The following ELP2 variants were observed in gnomAD, a reference collection of about 807,000 sequenced individuals.
ELP2 encodes elongator complex protein 2.
Under a neutral mutation model 119.2 loss-of-function variants are expected in ELP2, and 90 were observed. The observed-to-expected ratio is 0.75, with a 90% CI of 0.64 to 0.90. ELP2 has a LOEUF of 0.90. Ranked by LOEUF, ELP2 falls within the 40% of genes least tolerant of loss-of-function variation. ELP2 has a pLI of 0.00. For missense variants in ELP2, 921 were observed against 967.8 expected (o/e 0.95, Z 0.64); for synonymous variants, 339 against 331.0 (o/e 1.02, Z -0.26).
Position 36,129,918 on chromosome 18 carries a change from C to G in ELP2, c.-16C>G. The G allele has an allele frequency of 7.4e-6, 12 of 1,614,212 alleles. No individual in the cohort carries two copies. The highest frequency in any genetic ancestry group is 1.0e-5 in the Non-Finnish European group (12 of 1,180,040). On this transcript the variant is annotated 5_prime_UTR_variant, in exon 1 of 22. Coordinates refer to ENST00000358232, the MANE Select transcript of ELP2 (RefSeq NM_018255.4). ...AAGTGCGCGTCTCTTGTTTGTGCGG[C>G]TGACCAGTTGGCGACATGGTGGCAC...
chr18:36,130,160 G>A, intron 1 of ELP2, 89 bp downstream of exon 1: 1 of 1,561,628 alleles, frequency 6.4e-7, no homozygotes, highest in South Asian at 1.1e-5. Context: ...TGCCGCCCCA[G>A]ACCTAGGAGG....
chr18:36,131,404 C>T (rs2089620178), intron 1 of ELP2, among the ~76,000 whole-genome samples: 1 of 152,216 alleles, frequency 6.6e-6, no homozygotes, highest in Non-Finnish European at 1.5e-5. Flanking sequence ...CCATCATCTC[C>T]CACAGCGTCT....
intron 8 of ELP2, 38 bp downstream of exon 8, chr18:36,143,004 A>T: frequency 6.8e-7 from 1 of 1,477,868 alleles, no homozygotes. Context: ...AACGATACTT[A>T]GGTCTCCTAG....
chr18:36,138,419 T>C lies in ELP2; in HGVS notation c.438T>C (p.Gly146=). The C allele has an allele frequency of 1.2e-6, 2 of 1,614,046 alleles. No individual in the cohort carries two copies. The highest frequency in any genetic ancestry group is 1.7e-6 in the Non-Finnish European group (2 of 1,179,978). Residue 146 remains glycine (G), a synonymous_variant, in exon 4 of 22, where the codon GGT becomes GGC. Transcript: ENST00000358232. ...CTGTTCGACTCTGGTCTAAAAAGGG[T>C]CCAGAAGGTAGGTTTGGAGACATGA... ...DSAVRLWSKK[G]PEVMCLQTLN... is the part of the protein sequence containing the mutation.
At chr18:36,136,514 A>G in intron 3 of ELP2, 137 bp downstream of exon 3, 1 of 744,390 alleles carries the variant, frequency 1.3e-6, no homozygotes, top group South Asian at 1.5e-5. Flanking sequence ...AGTAGCTGGG[A>G]CTACAGGTGC....
At chr18:36,164,451 C>G (rs747417929) in intron 17 of ELP2, 24 bp from the exon 18 acceptor site, 3 of 1,601,116 alleles carry the variant, frequency 1.9e-6, no homozygotes, top group Non-Finnish European at 2.6e-6. Flanking sequence ...TTACTAGCTT[C>G]ATTGTTTCAT....
In ELP2 at chr18:36,156,482, T is replaced by G; in HGVS notation, c.1292T>G (p.Ile431Ser). ...KDQSQVTWHE[I>S]ARPQIHGYDL... ...TTTACCCAGGTGACTTGGCATGAAA[T>G]TGCAAGGCCTCAGATACATGGGTAT... is the stretch of plus-strand genomic sequence containing the variant. Residue 431 changes from isoleucine (I) to serine (S), a missense_variant, in exon 13 of 22, where the codon ATT becomes AGT. Coordinates refer to ENST00000358232, the MANE Select transcript of ELP2 (RefSeq NM_018255.4). 6.2e-7 allele frequency: 1 copy of G among 1,614,156 alleles called. No individual in the cohort carries two copies. Among genetic ancestry groups the G allele is most frequent in the South Asian group, 1.1e-5 (1 of 91,080 alleles).
chr18:36,155,091 C>T, intron 12 of ELP2, 92 bp downstream of exon 12: 1 of 1,056,530 alleles, frequency 9.5e-7, no homozygotes, highest in South Asian at 1.3e-5. Flanking sequence ...CAGCTCACTG[C>T]AGCCTCCGCC....
intron 21 of ELP2, among the ~76,000 whole-genome samples, chr18:36,173,885 G>A (rs186455342): frequency 6.6e-6 from 1 of 152,244 alleles, no homozygotes; most frequent in African/African-American, 2.4e-5. Context: ...AACACTCTGG[G>A]TCTGCCTTTT....
intron 17 of ELP2, among the ~76,000 whole-genome samples, chr18:36,161,224 C>T (rs935728086): frequency 6.6e-6 from 1 of 152,102 alleles, no homozygotes; most frequent in African/African-American, 2.4e-5. Context: ...TTTATCTGTG[C>T]CTCCCTGCTA....
chr18:36,169,220 TCAGC>T (rs1346468000), intron 19 of ELP2, among the ~76,000 whole-genome samples: 2 of 150,898 alleles, frequency 1.3e-5, no homozygotes, highest in African/African-American at 4.9e-5. Context: ...GCCACCACGC[TCAGC>T]CTGCTCTCCA....
intron 1 of ELP2, 135 bp from the exon 2 acceptor site, chr18:36,133,103 T>A: frequency 1.5e-6 from 1 of 689,122 alleles, no homozygotes; most frequent in African/African-American, 1.8e-5. Context: ...GTTTATAGAT[T>A]GAAGAAGGCA....
chr18:36,162,616 A>G (rs2090773363), intron 17 of ELP2, among the ~76,000 whole-genome samples: 1 of 152,128 alleles, frequency 6.6e-6, no homozygotes, highest in African/African-American at 2.4e-5. Flanking sequence ...TATGGTAGAT[A>G]TATATTTAAA....
intron 20 of ELP2, chr18:36,170,791 C>T (rs546753565): frequency 1.9e-6 from 1 of 535,718 alleles, no homozygotes; most frequent in South Asian, 2.1e-5. Flanking sequence ...AACAAGGGTC[C>T]CTACAGCCAG....
At chr18:36,141,684 C>G (rs1598751757) in intron 6 of ELP2, among the ~76,000 whole-genome samples, 1 of 150,312 alleles carries the variant, frequency 6.7e-6, no homozygotes, top group Admixed American at 6.6e-5. Flanking sequence ...GAAAGTCCAG[C>G]TATTCAACTT....
intron 14 of ELP2, among the ~76,000 whole-genome samples, chr18:36,159,114 CTTTT>C (rs5823998): frequency 2.2e-5 from 3 of 138,536 alleles, no homozygotes; most frequent in Non-Finnish European, 1.6e-5. Context: ...TGTTTTTTCC[CTTTT>C]TTTTTTTTTT....
chr18:36,174,626 T>C lies in ELP2; in HGVS notation c.2466T>C (p.Asn822=), dbSNP rs750005528. Residue 822 remains asparagine (N), a synonymous_variant, in exon 22 of 22, where the codon AAT becomes AAC. Transcript: ENST00000358232. The part of the protein sequence containing the change: ...EDHTVKIHRV[N]KCAL ...ACACTGTGAAGATACACAGAGTCAA[T>C]AAATGTGCACTGTAATGGACTTAAT... The C allele has an allele frequency of 2.3e-5, 37 of 1,613,988 alleles. No individual in the cohort carries two copies. Among genetic ancestry groups the C allele is most frequent in the Non-Finnish European group, 2.9e-5 (34 of 1,180,002 alleles).
rs1278928774 is a variant in ELP2 at position 36,142,302 on chromosome 18, T to C, written c.610T>C (p.Cys204Arg). ...CTAGTTTCAGAAAGTGCTTTCTCTC[T>C]GTGGACATGAGGATTGGATTAGAGG... The part of the protein sequence containing the change: ...NDQFQKVLSL[C>R]GHEDWIRGVE... The change falls in exon 7 of 22, where the codon TGT becomes CGT. Residue 204 changes from cysteine (C) to arginine (R), a missense_variant. Physicochemically the swap from Cys to Arg is radical, Grantham distance 180. Coordinates refer to ENST00000358232, the MANE Select transcript of ELP2 (RefSeq NM_018255.4). The C allele has an allele frequency of 1.9e-6, 3 of 1,613,916 alleles. No individual in the cohort carries two copies. Among genetic ancestry groups the C allele is most frequent in the Non-Finnish European group, 2.5e-6 (3 of 1,179,966 alleles).
intron 1 of ELP2, among the ~76,000 whole-genome samples, chr18:36,131,889 C>T (rs899616301): frequency 4.7e-5 from 7 of 149,870 alleles, no homozygotes; most frequent in African/African-American, 1.5e-4. Flanking sequence ...AAGTGTTGAG[C>T]CTAAAAAGTA....
Sources: allele counts gnomAD v4.1 joint callset (sites outside exome capture counted in the v4.1 genomes callset), GRCh38; gene constraint gnomAD v4.1.1; transcripts MANE v1.5; gene names NCBI Gene and HGNC (gene_info 2026-07-23, HGNC 2026-07-21).